The following HM13 variants were observed in gnomAD, a reference collection of about 807,000 sequenced individuals.
HM13 encodes the protein signal peptide peptidase.
HM13 carries 18 observed loss-of-function variants against 50.0 expected under a neutral mutation model. The ratio of observed to expected loss-of-function variants is 0.36; its 90% CI spans 0.25 to 0.53. The LOEUF (loss-of-function observed/expected upper bound fraction) is 0.53. Among genes scored for constraint, HM13 ranks in the 20% least tolerant of loss-of-function variants. The pLI is 0.90. For missense variants in HM13, 393 were observed against 552.4 expected, an observed-to-expected ratio of 0.71 and a Z score of 2.89; for synonymous variants, 197 against 232.6, an observed-to-expected ratio of 0.85 and a Z score of 1.39.
intron 11 of HM13, among the ~76,000 whole-genome samples, chr20:31,567,356 C>T (rs1055176029): frequency 3.3e-5 from 5 of 152,276 alleles, no homozygotes; most frequent in Middle Eastern, 3.4e-3. Context: ...ATTGTGCCCT[C>T]ATCAGGCAAA....
At chr20:31,548,566 G>A (rs925642076) in intron 4 of HM13, 23 of 196,056 alleles carry the variant, frequency 1.2e-4, no homozygotes, top group African/African-American at 5.1e-4. Flanking sequence ...AGCTGGCACT[G>A]ACTGAGCACC....
chr20:31,518,412 G>A (rs1186509181), intron 1 of HM13, among the ~76,000 whole-genome samples: 3 of 150,084 alleles, frequency 2.0e-5, no homozygotes, highest in East Asian at 4.1e-4. Context: ...TTGGGAGGCC[G>A]AGGCAGGTGG....
intron 11 of HM13, among the ~76,000 whole-genome samples, chr20:31,566,598 C>T (rs565276631): frequency 1.3e-5 from 2 of 152,232 alleles, no homozygotes; most frequent in South Asian, 4.1e-4. Flanking sequence ...TGTCAGAAGT[C>T]CTAGGTGACT....
At chr20:31,534,100 ACTC>A (rs1982974889) in intron 2 of HM13, among the ~76,000 whole-genome samples, 1 of 149,450 alleles carries the variant, frequency 6.7e-6, no homozygotes, top group Non-Finnish European at 1.5e-5. Context: ...TGCTTCTTGA[ACTC>A]CTGGCCTCAT....
chr20:31,568,181 C>T lies in HM13; in HGVS notation c.1138C>T (p.Leu380=). 1 of 1,613,166 alleles carries T rather than the reference C, an allele frequency of 6.2e-7. No homozygotes were observed. The highest frequency in any genetic ancestry group is 8.5e-7 in the Non-Finnish European group (1 of 1,179,950). Residue 380 remains leucine (L), a synonymous_variant, in exon 12 of 13, where the codon CTA becomes TTA. Transcript: ENST00000398174. ...ASLADSMQQK[L]AGPRRRRPQN... is the part of the protein sequence containing the mutation. ...CCTGGCCGACTCCATGCAGCAGAAGCTAGCTGGCCCTCGCCGCCGGCGCCC... is the reference window on the plus strand; with the variant it reads ...CCTGGCCGACTCCATGCAGCAGAAGTTAGCTGGCCCTCGCCGCCGGCGCCC...
In HM13 at chr20:31,527,728, C is replaced by T. The variant is rs540130819; in HGVS notation, c.282+146C>T. ...TTAATAATTCACCCATAGACCTACC[C>T]AAAGACAACAACTGTTAGTGTTTGG... On this transcript the variant is annotated intron_variant, in intron 2 of 12. Transcript: ENST00000398174. 49 of 608,236 alleles carry T rather than the reference C, an allele frequency of 8.1e-5. 2 individuals are homozygous for T. In the South Asian group the frequency reaches 9.9e-4, roughly 12 times the overall value. The allele number at this position is 608,236 out of a possible 1,614,324, so 37.7% of individuals were successfully genotyped here.
chr20:31,567,978 A>T, intron 11 of HM13, 100 bp from the exon 12 acceptor site: 1 of 1,049,106 alleles, frequency 9.5e-7, no homozygotes, highest in South Asian at 1.9e-5. Flanking sequence ...TAAAAACAAG[A>T]CAGTTCTGCT....
chr20:31,537,267 C>T (rs1983167533), intron 2 of HM13, among the ~76,000 whole-genome samples: 1 of 152,220 alleles, frequency 6.6e-6, no homozygotes, highest in South Asian at 2.1e-4. Context: ...ATGTGTGAGC[C>T]AAGGCTCAGG....
intron 12 of HM13, among the ~76,000 whole-genome samples, chr20:31,568,491 C>T (rs1441324645): frequency 6.6e-6 from 1 of 152,260 alleles, no homozygotes; most frequent in Non-Finnish European, 1.5e-5. Flanking sequence ...GTAGTAGATA[C>T]TGTTACCATT....
intron 1 of HM13, among the ~76,000 whole-genome samples, chr20:31,518,463 T>G (rs966595479): frequency 7.3e-5 from 11 of 150,530 alleles, no homozygotes; most frequent in African/African-American, 2.4e-4. Context: ...CTGGCCAACA[T>G]GGTGAAGCCC....
intron 11 of HM13, 78 bp downstream of exon 11, chr20:31,566,373 T>C (rs1424141371): frequency 1.8e-6 from 2 of 1,112,114 alleles, no homozygotes; most frequent in Admixed American, 1.8e-5. Flanking sequence ...GCTGGGGGTA[T>C]CTTTACACCT....
intron 4 of HM13, chr20:31,548,314 C>G (rs1983837194): frequency 2.7e-6 from 1 of 366,284 alleles, no homozygotes; most frequent in East Asian, 5.2e-5. Flanking sequence ...TCCACAGCCT[C>G]TAGTTGTCTT....
intron 9 of HM13, among the ~76,000 whole-genome samples, chr20:31,560,851 G>GT (rs1280815968): frequency 6.6e-6 from 1 of 152,230 alleles, no homozygotes; most frequent in Non-Finnish European, 1.5e-5. Flanking sequence ...AAGCACCCAG[G>GT]ACAAGGAGAG....
chr20:31,544,822 G>A, intron 3 of HM13, 125 bp from the exon 4 acceptor site: 2 of 740,252 alleles, frequency 2.7e-6, no homozygotes, highest in Non-Finnish European at 4.8e-6. Flanking sequence ...TCTGTAGAGT[G>A]GGAACAGTAA....
intron 4 of HM13, chr20:31,548,116 C>A: frequency 9.7e-7 from 1 of 1,032,288 alleles, no homozygotes; most frequent in Non-Finnish European, 1.5e-6. Flanking sequence ...GTGTTTGTGT[C>A]TGTGTGTGAC....
chr20:31,525,043 A>G (rs1031498639), intron 1 of HM13, among the ~76,000 whole-genome samples: 1 of 152,048 alleles, frequency 6.6e-6, no homozygotes, highest in African/African-American at 2.4e-5. Context: ...ATCTTTGGGC[A>G]TGTGGAAATT....
At chr20:31,547,377 T>G in intron 4 of HM13, 2 of 387,116 alleles carry the variant, frequency 5.2e-6, no homozygotes, top group South Asian at 6.7e-5. Context: ...CATCTTCCGG[T>G]TAGCGACAAC....
In HM13 at chr20:31,514,650, G is replaced by T; in HGVS notation, c.99G>T (p.Ala33=). ...CGCCTTCCACGCCCGAGGGCATCGC[G>T]CTGGCCTACGGCAGCCTCCTGCTCA... ...TRPPSTPEGI[A]LAYGSLLLMA... The change falls in exon 1 of 13, where the codon GCG becomes GCT. Residue 33 remains alanine (A), a synonymous_variant. Coordinates refer to ENST00000398174, the MANE Select transcript of HM13 (RefSeq NM_178581.3). The surrounding 1 kb of genome is among the most constrained non-coding windows in gnomAD (Gnocchi z 4.3). 1 of 1,570,706 alleles carries T rather than the reference G, an allele frequency of 6.4e-7. No homozygotes were observed. The highest frequency in any genetic ancestry group is 1.2e-5 in the South Asian group (1 of 85,632).
chr20:31,569,533 T>C lies in HM13; in HGVS notation c.*314T>C. ...GATTTTGCCTCACATTAAAAACTCATCCCATGGCCAGGGCGGGCCACTGTG... is the reference window on the plus strand; with the variant it reads ...GATTTTGCCTCACATTAAAAACTCACCCCATGGCCAGGGCGGGCCACTGTG... On this transcript the variant is annotated 3_prime_UTR_variant, in exon 13 of 13. Transcript: ENST00000398174. 4.5e-6 allele frequency: 1 copy of C among 223,636 alleles called. No homozygotes were observed. Among genetic ancestry groups the C allele is most frequent in the Admixed American group, 5.2e-5 (1 of 19,062 alleles). 13.9% of individuals were successfully genotyped at this position (223,636 alleles called of 1,614,324 possible).
Sources: allele counts gnomAD v4.1 joint callset (sites outside exome capture counted in the v4.1 genomes callset), GRCh38; gene constraint gnomAD v4.1.1; non-coding constraint Gnocchi (gnomAD v3.1); transcripts MANE v1.5; gene names NCBI Gene and HGNC (gene_info 2026-07-23, HGNC 2026-07-21).